Variants in WDFY3 observed in about 807,000 individuals in gnomAD.
WDFY3 encodes the protein WD repeat and FYVE domain-containing protein 3.
In WDFY3, 66 loss-of-function variants were observed where a neutral mutation model predicts 409.6. The observed-to-expected ratio is 0.16, with a 90% CI of 0.13 to 0.20. The LOEUF (loss-of-function observed/expected upper bound fraction) is 0.20. Among genes scored for constraint, WDFY3 ranks in the 10% least tolerant of loss-of-function variants. WDFY3 has a pLI of 1.00. For missense variants in WDFY3, 3,031 were observed against 4,298.1 expected (o/e 0.71, Z 8.24); for synonymous variants, 1,521 against 1,537.1 (o/e 0.99, Z 0.25).
In WDFY3 at chr4:84,678,968, G is replaced by T; in HGVS notation, c.10098C>A (p.His3366Gln). ...TRAHLQGPLSHPHPNPIEVRN... is the reference protein window; with the variant it reads ...TRAHLQGPLSQPHPNPIEVRN... ...GCACCTCAATGGGATTGGGGTGGGG[G>T]TGGCTAAGGGGGCCCTGCAGATGGG... is the stretch of plus-strand genomic sequence containing the variant. The change falls in exon 65 of 68, where the codon CAC (histidine) becomes CAA (glutamine). Residue 3366 changes from histidine (H) to glutamine (Q), a missense_variant. His to Gln is a conservative substitution (Grantham distance 24). Transcript: ENST00000295888. 6.2e-7 allele frequency: 1 copy of T among 1,614,186 alleles called. No homozygotes were observed. Among genetic ancestry groups the T allele is most frequent in the Admixed American group, 1.7e-5 (1 of 60,018 alleles).
intron 1 of WDFY3, among the ~76,000 whole-genome samples, chr4:84,939,731 A>C (rs1456404648): frequency 6.6e-6 from 1 of 152,110 alleles, no homozygotes; most frequent in Non-Finnish European, 1.5e-5. Flanking sequence ...TTTAAAAAAA[A>C]AAAGTTTCTA....
chr4:84,867,346 G>C (rs1312105479), intron 3 of WDFY3, among the ~76,000 whole-genome samples: 1 of 152,162 alleles, frequency 6.6e-6, no homozygotes, highest in East Asian at 1.9e-4. Flanking sequence ...AAGAGGTTTA[G>C]AAAGCAATAA....
chr4:84,957,258 CAA>C (rs149018066), intron 1 of WDFY3, among the ~76,000 whole-genome samples: 11 of 59,308 alleles, frequency 1.9e-4, no homozygotes, highest in Admixed American at 1.8e-4. Flanking sequence ...TTTCATATAC[CAA>C]AAAAAAAAAA....
At chr4:84,919,059 A>G (rs1473296826) in intron 2 of WDFY3, among the ~76,000 whole-genome samples, 7 of 152,054 alleles carry the variant, frequency 4.6e-5, no homozygotes, top group Non-Finnish European at 1.0e-4. Context: ...AACTTATTAT[A>G]AAGAGTGAAA....
chr4:84,719,710 A>C (rs1734532593), intron 47 of WDFY3, among the ~76,000 whole-genome samples: 1 of 152,100 alleles, frequency 6.6e-6, no homozygotes, highest in Non-Finnish European at 1.5e-5. Context: ...CACACACACA[A>C]AATGTTTATT....
chr4:84,821,149 A>G lies in WDFY3; in HGVS notation c.1526T>C (p.Met509Thr). 6.2e-7 allele frequency: 1 copy of G among 1,613,712 alleles called. No individual in the cohort carries two copies. Among genetic ancestry groups the G allele is most frequent in the Non-Finnish European group, 8.5e-7 (1 of 1,179,788 alleles). Residue 509 changes from methionine (M) to threonine (T), a missense_variant, in exon 11 of 68, where the codon ATG becomes ACG. Met to Thr is a moderately conservative substitution (Grantham distance 81). Around this residue, in one of 16 missense-constraint regions of WDFY3, gnomAD observed 1,322 missense variants for 1,697.9 expected, o/e 0.78. Coordinates refer to ENST00000295888, the MANE Select transcript of WDFY3 (RefSeq NM_014991.6). ...VFREVGLLEV[M>T]VNLLHKYAAL... ...AGCATATTTATGCAAAAGGTTTACC[A>G]TGACCTCCAAAAGGCCAACCTCCCT...
At chr4:84,882,423 C>A (rs184967236) in intron 3 of WDFY3, among the ~76,000 whole-genome samples, 8 of 152,092 alleles carry the variant, frequency 5.3e-5, no homozygotes, top group African/African-American at 1.9e-4. Flanking sequence ...AACGAATAGA[C>A]GGATAAATGG....
chr4:84,777,952 A>G lies in WDFY3; in HGVS notation c.4518+551T>C, dbSNP rs1023839372. On this transcript the variant is annotated intron_variant, in intron 27 of 67. Transcript: ENST00000295888. The stretch of plus-strand genomic sequence containing the variant: ...GTGTAAGCTGTTACAGTAATAAGCC[A>G]GTAGAAATGAAAATGCCTTTGAAAG... Among the ~76,000 whole-genome samples the G allele has an allele frequency of 5.9e-5, 9 of 152,286 alleles. No homozygotes were observed. In the East Asian group the frequency reaches 1.2e-3, roughly 20 times the overall value.
At chr4:84,823,732 C>T (rs1035063810) in intron 10 of WDFY3, among the ~76,000 whole-genome samples, 6 of 152,148 alleles carry the variant, frequency 3.9e-5, no homozygotes, top group Admixed American at 2.6e-4. Context: ...GACATTATTA[C>T]ATACTTAGTA....
chr4:84,947,158 G>C (rs1772954746), intron 1 of WDFY3, among the ~76,000 whole-genome samples: 2 of 151,952 alleles, frequency 1.3e-5, no homozygotes, highest in South Asian at 4.2e-4. Flanking sequence ...AAGGCAGAGA[G>C]AGACTAAATC....
chr4:84,825,702 A>G (rs1375662049), intron 10 of WDFY3, among the ~76,000 whole-genome samples: 1 of 152,110 alleles, frequency 6.6e-6, no homozygotes, highest in Non-Finnish European at 1.5e-5. Flanking sequence ...CTCATAACAT[A>G]TGTATTATAA....
intron 38 of WDFY3, among the ~76,000 whole-genome samples, chr4:84,740,666 G>A (rs1226453140): frequency 6.6e-6 from 1 of 152,106 alleles, no homozygotes; most frequent in Non-Finnish European, 1.5e-5. Context: ...AGCCACTAAC[G>A]ATGCTGTGGG....
At chr4:84,921,456 TTTAAGAA>T (rs1199358270) in intron 2 of WDFY3, among the ~76,000 whole-genome samples, 1 of 151,952 alleles carries the variant, frequency 6.6e-6, no homozygotes, top group Non-Finnish European at 1.5e-5. Flanking sequence ...ATGTTAGCAT[TTTAAGAA>T]TTAACTAACC....
intron 13 of WDFY3, among the ~76,000 whole-genome samples, chr4:84,815,941 A>T (rs1006118959): frequency 6.6e-6 from 1 of 152,146 alleles, no homozygotes; most frequent in Non-Finnish European, 1.5e-5. Flanking sequence ...TACTTGAATC[A>T]ATTATTACTA....
At chr4:84,812,153 A>G (rs1226331775) in intron 13 of WDFY3, among the ~76,000 whole-genome samples, 1 of 152,222 alleles carries the variant, frequency 6.6e-6, no homozygotes, top group Non-Finnish European at 1.5e-5. Context: ...ATTTTAAAAG[A>G]CAGAAAATAT....
chr4:84,912,335 G>A (rs1433936492), intron 2 of WDFY3, among the ~76,000 whole-genome samples: 2 of 152,178 alleles, frequency 1.3e-5, no homozygotes, highest in Non-Finnish European at 2.9e-5. Flanking sequence ...AAAACAGAGA[G>A]GGAAACTGGT....
chr4:84,715,999 T>C (rs1317915937), intron 49 of WDFY3, among the ~76,000 whole-genome samples: 1 of 151,916 alleles, frequency 6.6e-6, no homozygotes, highest in Admixed American at 6.6e-5. Flanking sequence ...ACTAAAATGT[T>C]GATTTGGATA....
At chr4:84,689,011 G>C (rs1167793132) in intron 61 of WDFY3, among the ~76,000 whole-genome samples, 3 of 152,220 alleles carry the variant, frequency 2.0e-5, no homozygotes, top group Non-Finnish European at 4.4e-5. Flanking sequence ...TACTTAGAAT[G>C]GGCCATCTGC....
intron 5 of WDFY3, among the ~76,000 whole-genome samples, chr4:84,849,077 T>G (rs777844046): frequency 6.6e-6 from 1 of 152,142 alleles, no homozygotes; most frequent in Non-Finnish European, 1.5e-5. Flanking sequence ...CTCCCCTGTA[T>G]CCTTTTTTAT....
Sources: gnomAD v4.1 joint callset for allele counts (sites outside exome capture counted in the v4.1 genomes callset) on GRCh38, gnomAD v4.1.1 for gene constraint, gnomAD v4.1.1 regional missense constraint, MANE v1.5 for transcripts, NCBI Gene and HGNC (gene_info 2026-07-23, HGNC 2026-07-21) for gene names.